C7: variants seen among roughly 807,000 people sequenced by gnomAD.
C7 encodes complement component C7.
Under a neutral mutation model 104.8 loss-of-function variants are expected in C7, and 83 were observed. The observed-to-expected ratio is 0.79, with a 90% CI of 0.66 to 0.95. The LOEUF is 0.95. Among genes scored for constraint, C7 ranks in the 40% least tolerant of loss-of-function variants. The pLI, the probability that C7 is intolerant of heterozygous loss-of-function variation, is 0.00. For missense variants in C7, 1,070 were observed against 1,011.2 expected (o/e 1.06, Z -0.79); for synonymous variants, 415 against 360.6 (o/e 1.15, Z -1.71).
At chr5:40,972,741 T>C (rs1740728300) in intron 15 of C7, 147 bp downstream of exon 15, 1 of 533,614 alleles carries the variant, frequency 1.9e-6, no homozygotes, top group Non-Finnish European at 3.1e-6. Context: ...GTAGACTGAG[T>C]AACAGATTTT....
intron 13 of C7, among the ~76,000 whole-genome samples, chr5:40,963,669 A>G (rs1186105513): frequency 6.6e-6 from 1 of 152,132 alleles, no homozygotes; most frequent in Non-Finnish European, 1.5e-5. Flanking sequence ...CTTGGGTGGA[A>G]GACAATGAGA....
intron 7 of C7, among the ~76,000 whole-genome samples, chr5:40,946,848 A>G (rs1231526546): frequency 6.6e-6 from 1 of 151,964 alleles, no homozygotes; most frequent in Non-Finnish European, 1.5e-5. Flanking sequence ...ACTTGAGGTC[A>G]GGAGTTCAAG....
chr5:40,935,670 T>A (rs1480183246), intron 4 of C7, among the ~76,000 whole-genome samples: 1 of 152,136 alleles, frequency 6.6e-6, no homozygotes, highest in Non-Finnish European at 1.5e-5. Context: ...GACTAGGGTA[T>A]AAGAAGCTAG....
At chr5:40,915,391 A>C (rs1430691126) in intron 1 of C7, among the ~76,000 whole-genome samples, 2 of 152,176 alleles carry the variant, frequency 1.3e-5, no homozygotes, top group Non-Finnish European at 2.9e-5. Context: ...CAGAAACTGA[A>C]AGTAAGAGAG....
intron 6 of C7, among the ~76,000 whole-genome samples, chr5:40,940,433 G>A (rs1260462058): frequency 6.6e-6 from 1 of 152,172 alleles, no homozygotes; most frequent in Admixed American, 6.5e-5. Flanking sequence ...GTGATGAATT[G>A]CAGAAGGGAA....
At chr5:40,965,255 T>C (rs1396971936) in intron 14 of C7, among the ~76,000 whole-genome samples, 1 of 152,220 alleles carries the variant, frequency 6.6e-6, no homozygotes, top group African/African-American at 2.4e-5. Context: ...AATAACAGCA[T>C]CTGCATGCTG....
Position 40,962,111 on chromosome 5 carries a change from T to C in C7, c.1688T>C (p.Leu563Ser). The C allele has an allele frequency of 1.3e-6, 2 of 1,561,690 alleles. No homozygotes were observed. Among genetic ancestry groups the C allele is most frequent in the Non-Finnish European group, 1.7e-6 (2 of 1,148,396 alleles). ...LRLLEPHCFP[L>S]SLVPTEFCPS... is the part of the protein sequence containing the mutation. ...TTGCTTGAACCACATTGCTTTCCTT[T>C]GTCTTTGGTTCCAACAGAATTCTGT... The change falls in exon 13 of 18, where the codon TTG (leucine) becomes TCG (serine). Residue 563 changes from leucine to serine, a missense_variant. Coordinates refer to ENST00000313164, the MANE Select transcript of C7 (RefSeq NM_000587.4).
intron 14 of C7, among the ~76,000 whole-genome samples, chr5:40,966,889 T>A (rs1253128646): frequency 1.3e-5 from 2 of 152,130 alleles, no homozygotes; most frequent in Non-Finnish European, 2.9e-5. Flanking sequence ...TCTCTTGGAA[T>A]CCTTAAGCAG....
chr5:40,983,133 G>A lies in C7; in HGVS notation c.*1560G>A, dbSNP rs899683153. 5.9e-5 allele frequency among the ~76,000 whole-genome samples: 9 copies of A among 152,186 alleles called. No homozygotes were observed. Among genetic ancestry groups the A allele is most frequent in the Admixed American group, 2.6e-4 (4 of 15,270 alleles). ...AATTGGTTAAAAACAATGACATTCA[G>A]ACATTGCAACTGCATTTGTTAGCGG... On this transcript the variant is annotated 3_prime_UTR_variant, in exon 18 of 18. Coordinates refer to ENST00000313164, the MANE Select transcript of C7 (RefSeq NM_000587.4).
chr5:40,922,599 G>T (rs1271853801), intron 1 of C7, among the ~76,000 whole-genome samples: 1 of 150,706 alleles, frequency 6.6e-6, no homozygotes. Context: ...TACTAAGGAG[G>T]CTGAGGCAGG....
intron 1 of C7, among the ~76,000 whole-genome samples, chr5:40,914,219 T>A (rs1739269991): frequency 6.6e-6 from 1 of 152,180 alleles, no homozygotes; most frequent in Non-Finnish European, 1.5e-5. Flanking sequence ...ATTAGTGATG[T>A]TGAGCACATT....
At chr5:40,958,856 G>A (rs1740359495) in intron 11 of C7, among the ~76,000 whole-genome samples, 1 of 152,296 alleles carries the variant, frequency 6.6e-6, no homozygotes, top group South Asian at 2.1e-4. Flanking sequence ...GGTCAGGGCT[G>A]TTTGATTCCT....
In C7 at chr5:40,973,402, C is replaced by T. The variant is rs113826282; in HGVS notation, c.2074+808C>T. On this transcript the variant is annotated intron_variant, in intron 15 of 17. Coordinates refer to ENST00000313164, the MANE Select transcript of C7 (RefSeq NM_000587.4). ...CTCTAGTATGTGATTTTTAATTAAA[C>T]GCTGAAATTTATTTTTAATAGTGAG... Among the ~76,000 whole-genome samples the T allele has an allele frequency of 1.6e-3, 237 of 152,138 alleles. 1 individual carries two copies. Among genetic ancestry groups the T allele is most frequent in the African/African-American group, 5.4e-3 (223 of 41,502 alleles).
chr5:40,929,105 G>A (rs185190967), intron 2 of C7, among the ~76,000 whole-genome samples: 349 of 152,274 alleles, frequency 2.3e-3, no homozygotes, highest in African/African-American at 7.9e-3. Context: ...TCAGATTGAT[G>A]AGACAGAGCC....
At chr5:40,938,154 T>TA (rs1739855953) in intron 6 of C7, among the ~76,000 whole-genome samples, 1 of 152,144 alleles carries the variant, frequency 6.6e-6, no homozygotes, top group South Asian at 2.1e-4. Context: ...CCATCTGCCT[T>TA]AAGAAATAGA....
intron 16 of C7, 93 bp from the exon 17 acceptor site, chr5:40,979,632 G>T: frequency 2.1e-6 from 2 of 945,556 alleles, no homozygotes; most frequent in Non-Finnish European, 1.5e-6. Context: ...TAACATCTGG[G>T]GGCACTAAGC....
At chr5:40,936,305 T>C in intron 4 of C7, 33 bp from the exon 5 acceptor site, 7 of 1,611,674 alleles carry the variant, frequency 4.3e-6, no homozygotes, top group Non-Finnish European at 5.9e-6. Context: ...CTTCCCTCTT[T>C]TACATTTGCA....
intron 1 of C7, among the ~76,000 whole-genome samples, chr5:40,918,717 G>T (rs1422173789): frequency 1.3e-5 from 2 of 151,584 alleles, no homozygotes; most frequent in African/African-American, 4.9e-5. Flanking sequence ...ATTATATGAT[G>T]ATAAAGGAGT....
At chr5:40,924,252 C>T (rs1011821695) in intron 1 of C7, among the ~76,000 whole-genome samples, 2 of 152,202 alleles carry the variant, frequency 1.3e-5, no homozygotes, top group African/African-American at 4.8e-5. Flanking sequence ...TGAAACACAA[C>T]ATGGCAGTCA....
Sources: allele counts gnomAD v4.1 joint callset (sites outside exome capture counted in the v4.1 genomes callset), GRCh38; gene constraint gnomAD v4.1.1; transcripts MANE v1.5; gene names NCBI Gene and HGNC (gene_info 2026-07-23, HGNC 2026-07-21).